The following PARD3 variants were observed in gnomAD, a reference collection of about 807,000 sequenced individuals.
The protein encoded by PARD3 is partitioning defective 3 homolog.
Under a neutral mutation model 155.4 loss-of-function variants are expected in PARD3, and 75 were observed. That is an observed-to-expected ratio of 0.48 (90% CI 0.40 to 0.58). PARD3 has a LOEUF of 0.58. PARD3 is among the 20% of genes least tolerant of loss of function. The pLI is 0.00. For synonymous variants in PARD3, 576 were observed against 610.5 expected (o/e 0.94, Z 0.83); for missense variants, 1,642 against 1,721.7 (o/e 0.95, Z 0.82).
intron 2 of PARD3, among the ~76,000 whole-genome samples, chr10:34,677,732 G>A (rs553187422): frequency 1.9e-4 from 29 of 152,184 alleles, no homozygotes; most frequent in African/African-American, 7.0e-4. Context: ...CGGGCAGGGG[G>A]ACACAGATAC....
chr10:34,548,679 C>A (rs2084302655), intron 2 of PARD3, among the ~76,000 whole-genome samples: 1 of 152,068 alleles, frequency 6.6e-6, no homozygotes, highest in African/African-American at 2.4e-5. Context: ...ATTCCACTCT[C>A]TTCTGTGGGG....
chr10:34,684,868 T>TACACACACAC (rs780196425), intron 2 of PARD3, among the ~76,000 whole-genome samples: 4 of 60,370 alleles, frequency 6.6e-5, no homozygotes, highest in Non-Finnish European at 1.5e-4. Context: ...TGTATATATA[T>TACACACACAC]ACACACACAT....
intron 22 of PARD3, among the ~76,000 whole-genome samples, chr10:34,175,682 G>A (rs1225361830): frequency 6.6e-6 from 1 of 152,056 alleles, no homozygotes; most frequent in African/African-American, 2.4e-5. Flanking sequence ...ATTTTAAAGA[G>A]GCTAATAAAG....
intron 1 of PARD3, among the ~76,000 whole-genome samples, chr10:34,702,967 A>G (rs983316318): frequency 1.3e-5 from 2 of 152,250 alleles, no homozygotes; most frequent in Non-Finnish European, 2.9e-5. Context: ...CATCACTGGT[A>G]TCCTGAGAGA....
intron 7 of PARD3, among the ~76,000 whole-genome samples, chr10:34,398,284 T>A (rs112643326): frequency 6.6e-6 from 1 of 152,088 alleles, no homozygotes; most frequent in African/African-American, 2.4e-5. Flanking sequence ...AATACTCATT[T>A]AAAAAAATAA....
At chr10:34,361,025 G>C (rs1839385236) in intron 12 of PARD3, among the ~76,000 whole-genome samples, 1 of 152,186 alleles carries the variant, frequency 6.6e-6, no homozygotes, top group South Asian at 2.1e-4. Flanking sequence ...AAAGCTTAAT[G>C]TAGAACTGAA....
rs17472914 is a variant in PARD3, at chr10:34,368,306, G to A, written c.1707+4192C>T. ...CAAAATGGGAGAGAACACTAGTTCCGGTTAGGGTAAGCCTCATGAGATAGG... is the reference window on the plus strand; with the variant it reads ...CAAAATGGGAGAGAACACTAGTTCCAGTTAGGGTAAGCCTCATGAGATAGG... On this transcript the variant is annotated intron_variant, in intron 12 of 24. Coordinates refer to ENST00000374788, the MANE Select transcript of PARD3 (RefSeq NM_001184785.2). 9.1e-3 allele frequency among the ~76,000 whole-genome samples: 1,384 copies of A among 152,286 alleles called. 20 individuals are homozygous for A. The highest frequency in any genetic ancestry group is 0.032 in the African/African-American group (1,317 of 41,570).
intron 22 of PARD3, among the ~76,000 whole-genome samples, chr10:34,144,761 A>C (rs901663890): frequency 6.6e-6 from 1 of 152,292 alleles, no homozygotes; most frequent in Admixed American, 6.5e-5. Context: ...AATTATAGCA[A>C]AATTTATATG....
intron 1 of PARD3, among the ~76,000 whole-genome samples, chr10:34,756,062 G>A (rs1422729477): frequency 1.3e-5 from 2 of 151,364 alleles, no homozygotes; most frequent in Non-Finnish European, 2.9e-5. Context: ...AGAGGGGCTA[G>A]GATGCTAATC....
chr10:34,378,812 C>T (rs1841522774), intron 9 of PARD3, among the ~76,000 whole-genome samples: 1 of 152,134 alleles, frequency 6.6e-6, no homozygotes, highest in South Asian at 2.1e-4. Context: ...CTTAAAGGTA[C>T]TAAATTAATG....
At chr10:34,167,052 A>G (rs1377700908) in intron 22 of PARD3, among the ~76,000 whole-genome samples, 2 of 152,166 alleles carry the variant, frequency 1.3e-5, no homozygotes, top group African/African-American at 4.8e-5. Flanking sequence ...TGTACCACTA[A>G]AGAGTTACGC....
intron 2 of PARD3, among the ~76,000 whole-genome samples, chr10:34,540,116 G>C (rs2083499526): frequency 6.6e-6 from 1 of 152,160 alleles, no homozygotes; most frequent in Admixed American, 6.5e-5. Context: ...GCTGCAGGCA[G>C]CTCTAAGGCT....
intron 2 of PARD3, among the ~76,000 whole-genome samples, chr10:34,694,227 G>A (rs181443117): frequency 1.3e-5 from 2 of 151,994 alleles, no homozygotes; most frequent in South Asian, 2.1e-4. Flanking sequence ...AGATTGATAC[G>A]TTAATTCATC....
At chr10:34,112,502 TA>T (rs1946437711) in intron 24 of PARD3, among the ~76,000 whole-genome samples, 1 of 152,244 alleles carries the variant, frequency 6.6e-6, no homozygotes, top group Non-Finnish European at 1.5e-5. Context: ...AGACATGCCC[TA>T]ATTTTTTTGC....
intron 22 of PARD3, among the ~76,000 whole-genome samples, chr10:34,151,257 A>G (rs548448263): frequency 2.6e-5 from 4 of 152,278 alleles, no homozygotes; most frequent in Non-Finnish European, 5.9e-5. Context: ...ATGTAATTAA[A>G]GATTTCACCA....
At chr10:34,414,163 A>C (rs1845411881) in intron 5 of PARD3, among the ~76,000 whole-genome samples, 1 of 151,022 alleles carries the variant, frequency 6.6e-6, no homozygotes, top group Admixed American at 6.6e-5. Context: ...ATGCCGCTGC[A>C]CTCCAGCTTG....
chr10:34,804,290 G>A (rs1843118950), intron 1 of PARD3, among the ~76,000 whole-genome samples: 1 of 152,116 alleles, frequency 6.6e-6, no homozygotes, highest in Non-Finnish European at 1.5e-5. Flanking sequence ...GCCCACCTTG[G>A]CCTCCCAAAG....
At chr10:34,592,372 G>A (rs565107941) in intron 2 of PARD3, among the ~76,000 whole-genome samples, 3 of 152,308 alleles carry the variant, frequency 2.0e-5, no homozygotes, top group African/African-American at 7.2e-5. Context: ...GACATGGACT[G>A]AATAACTGAC....
In PARD3 at chr10:34,119,660, C is replaced by G. The variant is rs1321727842; in HGVS notation, c.3621G>C (p.Glu1207Asp). 1 of 1,610,764 alleles carries G rather than the reference C, an allele frequency of 6.2e-7. No individual in the cohort carries two copies. The highest frequency in any genetic ancestry group is 1.7e-5 in the Admixed American group (1 of 59,816). The change falls in exon 24 of 25, where the codon GAG becomes GAC. Residue 1207 changes from glutamate to aspartate, a missense_variant. This residue lies in a region of PARD3 where 1,529 missense variants were observed against 1,587.3 expected (regional missense o/e 0.96). Transcript: ENST00000374788. ...EVQMQRQRQE[E>D]RESSQQAQRQ... Reference sequence around the variant, plus strand: ...GCTGGGCCTGCTGGGAGCTCTCGCGCTCCTCCTGCCGCTGCCGCTGCATCT... The same window carrying G: ...GCTGGGCCTGCTGGGAGCTCTCGCGGTCCTCCTGCCGCTGCCGCTGCATCT...
Sources: allele counts gnomAD v4.1 joint callset (sites outside exome capture counted in the v4.1 genomes callset), GRCh38; gene constraint gnomAD v4.1.1; regional missense constraint gnomAD v4.1.1; transcripts MANE v1.5; gene names NCBI Gene and HGNC (gene_info 2026-07-23, HGNC 2026-07-21).